CIBAR1: variants seen among roughly 807,000 people sequenced by gnomAD.
CIBAR1 encodes the protein CBY1-interacting BAR domain-containing protein 1.
A neutral mutation model predicts 44.0 loss-of-function variants in CIBAR1; 25 were observed. That is an observed-to-expected ratio of 0.57 (90% CI 0.41 to 0.79). The LOEUF (loss-of-function observed/expected upper bound fraction) is 0.79, where lower values mean the gene tolerates loss of function less well. Among genes scored for constraint, CIBAR1 ranks in the 30% least tolerant of loss-of-function variants. CIBAR1 has a pLI of 0.00. For missense variants in CIBAR1, 278 were observed against 344.8 expected, an observed-to-expected ratio of 0.81 and a Z score of 1.53; for synonymous variants, 115 against 119.0, an observed-to-expected ratio of 0.97 and a Z score of 0.22.
chr8:93,703,706 C>G lies in CIBAR1; in HGVS notation c.330+18C>G, dbSNP rs994195432. The stretch of plus-strand genomic sequence containing the variant: ...TGAAACGGGTAAGTAAATCCATTTT[C>G]TCACTTAACTGTGAGTTACTCTGGC... On this transcript the variant is annotated intron_variant, in intron 3 of 8. Transcript: ENST00000518322. The G allele has an allele frequency of 6.5e-7, 1 of 1,537,776 alleles. No homozygotes were observed. The highest frequency in any genetic ancestry group is 8.8e-7 in the Non-Finnish European group (1 of 1,140,042).
At chr8:93,711,310 C>G (rs911031612) in intron 6 of CIBAR1, among the ~76,000 whole-genome samples, 3 of 152,130 alleles carry the variant, frequency 2.0e-5, no homozygotes, top group African/African-American at 7.2e-5. Flanking sequence ...CCTTCATAAG[C>G]TATATTCTTT....
intron 8 of CIBAR1, chr8:93,727,222 T>G: frequency 7.9e-7 from 1 of 1,270,332 alleles, no homozygotes; most frequent in Non-Finnish European, 1.0e-6. Flanking sequence ...TCAACAAACT[T>G]ATTTTCAAGA....
chr8:93,706,423 G>C (rs886399339), intron 4 of CIBAR1, among the ~76,000 whole-genome samples: 1 of 145,934 alleles, frequency 6.9e-6, no homozygotes, highest in African/African-American at 2.5e-5. Flanking sequence ...GGTGGGTGGG[G>C]GGGTTCACCA....
In CIBAR1 at chr8:93,700,572, C is replaced by G. The variant is rs1004708543; in HGVS notation, c.-76C>G. 3.8e-5 allele frequency: 53 copies of G among 1,402,886 alleles called. No homozygotes were observed. The African/African-American group carries it at 6.3e-4, about 17-fold the overall frequency. 86.9% of individuals were successfully genotyped at this position (1,402,886 alleles called of 1,614,324 possible). A position where few individuals can be genotyped will look rare whatever the true frequency, so the allele number is the denominator to read the frequency against. The stretch of plus-strand genomic sequence containing the variant: ...TTCAGGCTCCCGGCGGCTGCTTGCG[C>G]CCCAGCGCGCGCCCAGGCGCCTTGG... On this transcript the variant is annotated 5_prime_UTR_variant, in exon 1 of 9. Coordinates refer to ENST00000518322, the MANE Select transcript of CIBAR1 (RefSeq NM_145269.5).
intron 6 of CIBAR1, among the ~76,000 whole-genome samples, chr8:93,710,679 C>G (rs1049463605): frequency 1.3e-5 from 2 of 151,512 alleles, no homozygotes; most frequent in East Asian, 1.9e-4. Flanking sequence ...ACTAAAAATA[C>G]AAAAATTAGC....
intron 2 of CIBAR1, chr8:93,702,396 T>C (rs1680355146): frequency 2.5e-6 from 1 of 394,310 alleles, no homozygotes; most frequent in Middle Eastern, 3.6e-4. Context: ...AATCCTAAAA[T>C]CTTATTTTAG....
chr8:93,719,729 A>T (rs1254110154), intron 7 of CIBAR1: 1 of 152,220 alleles, frequency 6.6e-6, no homozygotes, highest in African/African-American at 2.4e-5. Flanking sequence ...GCAAGTAAAT[A>T]TCAAAGACTG....
chr8:93,723,083 G>A (rs1488080643), intron 7 of CIBAR1, among the ~76,000 whole-genome samples: 3 of 152,140 alleles, frequency 2.0e-5, no homozygotes, highest in East Asian at 1.9e-4. Flanking sequence ...TGCAAGCTCC[G>A]CCTCCCGGAT....
rs918704895 is a variant in CIBAR1 at position 93,703,866 on chromosome 8, C to T, written c.330+178C>T. Reference sequence around the variant, plus strand: ...GATCACGAGGTCAGGAGTTTGAGACCAGCCTGGCCAACATAGTGAAACCCC... The same window carrying T: ...GATCACGAGGTCAGGAGTTTGAGACTAGCCTGGCCAACATAGTGAAACCCC... On this transcript the variant is annotated intron_variant, in intron 3 of 8. Transcript: ENST00000518322. Among the ~76,000 whole-genome samples the T allele has an allele frequency of 4.6e-5, 7 of 151,818 alleles. No individual in the cohort carries two copies. The South Asian group carries it at 1.5e-3, about 32-fold the overall frequency.
intron 7 of CIBAR1, chr8:93,724,426 GTGAT>G (rs1811394018): frequency 4.7e-6 from 2 of 429,188 alleles, no homozygotes; most frequent in Admixed American, 4.9e-5. Flanking sequence ...CTGAGCTTAG[GTGAT>G]CCTCCCACCT....
rs80072108 is a variant in CIBAR1 at position 93,720,565 on chromosome 8, C to T, written c.657+1777C>T. Among the ~76,000 whole-genome samples the T allele has an allele frequency of 6.7e-3, 1,023 of 152,102 alleles. 11 individuals are homozygous for T. Among genetic ancestry groups the T allele is most frequent in the Middle Eastern group, 0.031 (9 of 294 alleles). On this transcript the variant is annotated intron_variant, in intron 7 of 8. Coordinates refer to ENST00000518322, the MANE Select transcript of CIBAR1 (RefSeq NM_145269.5). ...CTTAACTTTCACTCCTTTTCATGTC[C>T]TGCTTTTAAAAATTGATTATGAAGG...
intron 6 of CIBAR1, among the ~76,000 whole-genome samples, chr8:93,712,887 A>G (rs1373631529): frequency 1.4e-5 from 2 of 147,488 alleles, no homozygotes; most frequent in Non-Finnish European, 1.5e-5. Flanking sequence ...GTCTCAGGTG[A>G]TCCTCCCACT....
chr8:93,705,766 A>G lies in CIBAR1; in HGVS notation c.432+756A>G, dbSNP rs543442988. Among the ~76,000 whole-genome samples the G allele has an allele frequency of 2.4e-4, 36 of 152,246 alleles. 1 individual carries two copies. In the South Asian group the frequency reaches 7.2e-3, roughly 31 times the overall value. On this transcript the variant is annotated intron_variant, in intron 4 of 8. Coordinates refer to ENST00000518322, the MANE Select transcript of CIBAR1 (RefSeq NM_145269.5). The stretch of plus-strand genomic sequence containing the variant: ...GGAGTTCGAGACCAGCCTGGCCAAC[A>G]TAGTGAAACCCTGTCTTTACTAAAA...
rs1020829892 is a variant in CIBAR1, at chr8:93,731,472, TATACTTTAAAGAATCATA to T, written c.*3176_*3193del. On this transcript the variant is annotated 3_prime_UTR_variant, in exon 9 of 9. Coordinates refer to ENST00000518322, the MANE Select transcript of CIBAR1 (RefSeq NM_145269.5). ...ACATTATCCTAGCTACTTACAAGCT[TATACTTTAAAGAATCATA>T]CTGAGGTGCTTTTTCATATCAAATT... The T allele has an allele frequency of 6.6e-6, 1 of 152,232 alleles. No homozygotes were observed. The highest frequency in any genetic ancestry group is 1.5e-5 in the Non-Finnish European group (1 of 68,046). 9.4% of individuals were successfully genotyped at this position (152,232 alleles called of 1,614,324 possible). A position where few individuals can be genotyped will look rare whatever the true frequency, so the allele number is the denominator to read the frequency against.
chr8:93,707,599 T>TA (rs558847405), intron 4 of CIBAR1, among the ~76,000 whole-genome samples: 153 of 140,632 alleles, frequency 1.1e-3, no homozygotes, highest in African/African-American at 3.8e-3. Flanking sequence ...AAATAACTGT[T>TA]AGAGATTTTT....
At chr8:93,720,475 T>A (rs1811221225) in intron 7 of CIBAR1, among the ~76,000 whole-genome samples, 1 of 152,218 alleles carries the variant, frequency 6.6e-6, no homozygotes, top group South Asian at 2.1e-4. Context: ...TATACATATT[T>A]ATATTTCTCT....
rs1811689863 is a variant in CIBAR1 at position 93,729,246 on chromosome 8, G to C, written c.*949G>C. 6.6e-6 allele frequency: 1 copy of C among 152,050 alleles called. No individual in the cohort carries two copies. Among genetic ancestry groups the C allele is most frequent in the Admixed American group, 6.5e-5 (1 of 15,276 alleles). 9.4% of individuals were successfully genotyped at this position (152,050 alleles called of 1,614,324 possible). A position where few individuals can be genotyped will look rare whatever the true frequency, so the allele number is the denominator to read the frequency against. On this transcript the variant is annotated 3_prime_UTR_variant, in exon 9 of 9. Transcript: ENST00000518322. ...CAGAAAAATAAAGACTTTCTAGAAA[G>C]CTTCTGACTTTGTCAATCATGGCTC...
chr8:93,714,172 G>A (rs1395851408), intron 6 of CIBAR1, among the ~76,000 whole-genome samples: 1 of 151,940 alleles, frequency 6.6e-6, no homozygotes, highest in Admixed American at 6.6e-5. Flanking sequence ...AATATAAATT[G>A]TGCACATCTT....
intron 4 of CIBAR1, 149 bp from the exon 5 acceptor site, chr8:93,707,862 G>A: frequency 2.2e-6 from 1 of 464,998 alleles, no homozygotes. Flanking sequence ...TGAATGAACT[G>A]AATTACATAA....
Sources: gnomAD v4.1 joint callset for allele counts (sites outside exome capture counted in the v4.1 genomes callset) on GRCh38, gnomAD v4.1.1 for gene constraint, MANE v1.5 for transcripts, NCBI Gene and HGNC (gene_info 2026-07-23, HGNC 2026-07-21) for gene names.